Variants in CADM4 observed in about 807,000 individuals in gnomAD.
CADM4 encodes TSLC1-like 2.
A neutral mutation model predicts 43.9 loss-of-function variants in CADM4; 13 were observed. That is an observed-to-expected ratio of 0.30 (90% confidence interval 0.19 to 0.47). The LOEUF is 0.47. CADM4 is among the 20% of genes least tolerant of loss of function. The pLI, the probability that CADM4 is intolerant of heterozygous loss-of-function variation, is 1.00. For missense variants in CADM4, 420 were observed against 527.0 expected, an observed-to-expected ratio of 0.80 and a Z score of 1.99; for synonymous variants, 209 against 220.9, an observed-to-expected ratio of 0.95 and a Z score of 0.48.
At position 43,627,660 on chromosome 19, in the gene CADM4, G is replaced by A. The variant is rs144939448; in HGVS notation, c.195C>T (p.Phe65=). 14 of 1,613,806 alleles carry A rather than the reference G, an allele frequency of 8.7e-6. No individual in the cohort carries two copies. The highest frequency in any genetic ancestry group is 1.7e-4 in the Middle Eastern group (1 of 6,058). Residue 65 remains phenylalanine (F), a synonymous_variant, in exon 2 of 9, where the codon TTC becomes TTT. Transcript: ENST00000222374. The surrounding 1 kb of genome is among the most constrained non-coding windows in gnomAD (Gnocchi z 4.0). ...VIQNPARQTL[F]FNGTRALKDE... is the part of the protein sequence containing the mutation. ...AGCACTCACCACGGGTGCCATTGAA[G>A]AAGAGGGTCTGCCGGGCTGGGTTCT...
chr19:43,638,273 C>T (rs941782289), intron 1 of CADM4, among the ~76,000 whole-genome samples: 2 of 152,210 alleles, frequency 1.3e-5, no homozygotes, highest in Admixed American at 6.5e-5. Flanking sequence ...TCTGAGCTGG[C>T]GTTCCCTTTC....
rs757083806 is a variant in CADM4 at position 43,626,778 on chromosome 19, G to A, written c.499+6C>T. On this transcript the variant is annotated splice_donor_region_variant and intron_variant, in intron 4 of 8. Transcript: ENST00000222374. This position sits in a 1 kb window ranked among gnomAD's most constrained non-coding sequence, Gnocchi z 5.9. ...CCATCCCTTGTCAGCACTCGGCCCAGGGTACCTTTCAGCTCCTTGCGGTCC... is the reference window on the plus strand; with the variant it reads ...CCATCCCTTGTCAGCACTCGGCCCAAGGTACCTTTCAGCTCCTTGCGGTCC... 3 of 1,575,760 alleles carry A rather than the reference G, an allele frequency of 1.9e-6. No individual in the cohort carries two copies. The highest frequency in any genetic ancestry group is 4.6e-5 in the East Asian group (2 of 43,854).
chr19:43,633,633 TTCTC>T lies in CADM4; in HGVS notation c.65-5847_65-5844del, dbSNP rs931322456. ...CAGATGGGATATCTGTTCGTCTTTC[TTCTC>T]TCTTTTTTCTTTCTCTCTTTCTCTC... is the stretch of plus-strand genomic sequence containing the variant. On this transcript the variant is annotated intron_variant, in intron 1 of 8. Coordinates refer to ENST00000222374, the MANE Select transcript of CADM4 (RefSeq NM_145296.2). Among the ~76,000 whole-genome samples, 39 of 152,166 alleles carry T rather than the reference TTCTC, an allele frequency of 2.6e-4. 1 individual carries two copies. Among genetic ancestry groups the T allele is most frequent in the Admixed American group, 1.6e-3 (25 of 15,258 alleles).
intron 7 of CADM4, 32 bp from the exon 8 acceptor site, chr19:43,624,274 A>C: frequency 6.2e-7 from 1 of 1,614,024 alleles, no homozygotes; most frequent in Middle Eastern, 1.6e-4. Context: ...GGACCAGGTC[A>C]TCAGAGGACG....
At chr19:43,639,382 G>C (rs973429753) in intron 1 of CADM4, among the ~76,000 whole-genome samples, 1 of 151,502 alleles carries the variant, frequency 6.6e-6, no homozygotes, top group African/African-American at 2.4e-5. Flanking sequence ...CAGACGGGGG[G>C]GTTCAGAGAC....
chr19:43,626,420 A>AG lies in CADM4; in HGVS notation c.500-133dup. 8.7e-7 allele frequency: 1 copy of AG among 1,145,228 alleles called. No homozygotes were observed. The highest frequency in any genetic ancestry group is 1.2e-6 in the Non-Finnish European group (1 of 812,404). The allele number at this position is 1,145,228 out of a possible 1,614,324, so 70.9% of individuals were successfully genotyped here. A position where few individuals can be genotyped will look rare whatever the true frequency, so the allele number is the denominator to read the frequency against. On this transcript the variant is annotated intron_variant, in intron 4 of 8. Transcript: ENST00000222374. This position sits in a 1 kb window ranked among gnomAD's most constrained non-coding sequence, Gnocchi z 5.9. ...CACAGGCCCCGCCTCTTGTCCTCCAAGCTACGCCCCTCCCCTAACCAAGCC... is the reference window on the plus strand; with the variant it reads ...CACAGGCCCCGCCTCTTGTCCTCCAAGGCTACGCCCCTCCCCTAACCAAGCC...
Position 43,626,364 on chromosome 19 carries a change from G to T in CADM4, c.500-76C>A. 1 of 1,554,106 alleles carries T rather than the reference G, an allele frequency of 6.4e-7. No homozygotes were observed. On this transcript the variant is annotated intron_variant, in intron 4 of 8. Coordinates refer to ENST00000222374, the MANE Select transcript of CADM4 (RefSeq NM_145296.2). The surrounding 1 kb of genome is among the most constrained non-coding windows in gnomAD (Gnocchi z 5.9). ...CCCACCCACCCGAGCCAACGCCAAAGCAGGCTATTTGCCAAGCTCCACCCC... is the reference window on the plus strand; with the variant it reads ...CCCACCCACCCGAGCCAACGCCAAATCAGGCTATTTGCCAAGCTCCACCCC...
rs775584890 is a variant in CADM4, at chr19:43,639,793, T to TGCC, written c.-6_-4dup. On this transcript the variant is annotated 5_prime_UTR_variant, in exon 1 of 9. Coordinates refer to ENST00000222374, the MANE Select transcript of CADM4 (RefSeq NM_145296.2). The stretch of plus-strand genomic sequence containing the variant: ...TGGAAGCGCCGGGCCCGGCCCATGG[T>TGCC]GCCGCCGCCGCCGCCGCCGCCGCTC... 2,403 of 997,314 alleles carry TGCC rather than the reference T, an allele frequency of 2.4e-3. 20 individuals carry two copies. The African/African-American group carries it at 0.036, about 15-fold the overall frequency. 61.8% of individuals were successfully genotyped at this position (997,314 alleles called of 1,614,324 possible).
chr19:43,627,599 C>A lies in CADM4; in HGVS notation c.211+45G>T. 6.3e-7 allele frequency: 1 copy of A among 1,578,158 alleles called. No homozygotes were observed. The highest frequency in any genetic ancestry group is 8.7e-7 in the Non-Finnish European group (1 of 1,153,084). ...CAGGACATGGGAGCCTGGGCCCCAG[C>A]CCTCTCTTCCTTTAAGACTCCTGAG... On this transcript the variant is annotated intron_variant, in intron 2 of 8. Transcript: ENST00000222374. The surrounding 1 kb of genome is among the most constrained non-coding windows in gnomAD (Gnocchi z 4.0).
chr19:43,627,714 G>A lies in CADM4; in HGVS notation c.141C>T (p.His47=). 1 of 1,614,132 alleles carries A rather than the reference G, an allele frequency of 6.2e-7. No homozygotes were observed. The highest frequency in any genetic ancestry group is 8.5e-7 in the Non-Finnish European group (1 of 1,180,010). Residue 47 remains histidine, a synonymous_variant, in exon 2 of 9, where the codon CAC becomes CAT. Transcript: ENST00000222374. This position sits in a 1 kb window ranked among gnomAD's most constrained non-coding sequence, Gnocchi z 4.0. ...GGVAEITCRL[H]QYDGSIVVIQ... ...TGACAACTATGGACCCATCATACTG[G>A]TGCAGACGGCAGGTGATCTCAGCCA...
At chr19:43,630,723 C>T (rs1973610390) in intron 1 of CADM4, among the ~76,000 whole-genome samples, 1 of 152,158 alleles carries the variant, frequency 6.6e-6, no homozygotes, top group South Asian at 2.1e-4. Flanking sequence ...CCACTCCTGG[C>T]TGTCTGGATT....
rs1423711178 is a variant in CADM4 at position 43,626,924 on chromosome 19, G to A, written c.365-6C>T. ...CACAGGATTCTCTGGGGCCACTGCCGCAGGGAGAAGGGAAGTAAGGGGTTA... is the reference window on the plus strand; with the variant it reads ...CACAGGATTCTCTGGGGCCACTGCCACAGGGAGAAGGGAAGTAAGGGGTTA... On this transcript the variant is annotated splice_region_variant and splice_polypyrimidine_tract_variant and intron_variant, in intron 3 of 8. Transcript: ENST00000222374. The surrounding 1 kb of genome is among the most constrained non-coding windows in gnomAD (Gnocchi z 5.9). 2 of 1,589,444 alleles carry A rather than the reference G, an allele frequency of 1.3e-6. No individual in the cohort carries two copies. The highest frequency in any genetic ancestry group is 1.7e-6 in the Non-Finnish European group (2 of 1,168,978).
At chr19:43,630,080 A>AT (rs1440245563) in intron 1 of CADM4, among the ~76,000 whole-genome samples, 1 of 150,226 alleles carries the variant, frequency 6.7e-6, no homozygotes, top group Non-Finnish European at 1.5e-5. Flanking sequence ...TAACTTTTGT[A>AT]TTTTTTTAGA....
In CADM4 at chr19:43,625,773, A is replaced by T. The variant is rs1973514613; in HGVS notation, c.755+138T>A. On this transcript the variant is annotated intron_variant, in intron 6 of 8. Coordinates refer to ENST00000222374, the MANE Select transcript of CADM4 (RefSeq NM_145296.2). The surrounding 1 kb of genome is among the most constrained non-coding windows in gnomAD (Gnocchi z 4.5). ...GCTCTCTCCTCCTCAGGACCCAGGA[A>T]TCCAGGTCCTAGCTCCCTGTTTGTC... The T allele has an allele frequency of 3.0e-6, 2 of 675,284 alleles. No individual in the cohort carries two copies. Among genetic ancestry groups the T allele is most frequent in the African/African-American group, 1.8e-5 (1 of 55,150 alleles). The allele number at this position is 675,284 out of a possible 1,614,324, so 41.8% of individuals were successfully genotyped here.
Position 43,625,375 on chromosome 19 carries a change from A to G in CADM4, c.756-125T>C. The G allele has an allele frequency of 1.1e-6, 1 of 949,772 alleles. No individual in the cohort carries two copies. 58.8% of individuals were successfully genotyped at this position (949,772 alleles called of 1,614,324 possible). A position where few individuals can be genotyped will look rare whatever the true frequency, so the allele number is the denominator to read the frequency against. ...ACCTCCAAATAAGAGGCTTCCTGCTATCTCTTTCCTTTCTGGAAAACCAAC... is the reference window on the plus strand; with the variant it reads ...ACCTCCAAATAAGAGGCTTCCTGCTGTCTCTTTCCTTTCTGGAAAACCAAC... On this transcript the variant is annotated intron_variant, in intron 6 of 8. Transcript: ENST00000222374. The surrounding 1 kb of genome is among the most constrained non-coding windows in gnomAD (Gnocchi z 4.5).
Position 43,627,152 on chromosome 19 carries a change from G to A in CADM4, c.364+14C>T. ...AGGAGGAGAGGATGCGTCTGACAAG[G>A]GGGAGGGCGTTACCTAGTACCGTGA... On this transcript the variant is annotated intron_variant, in intron 3 of 8. Transcript: ENST00000222374. The surrounding 1 kb of genome is among the most constrained non-coding windows in gnomAD (Gnocchi z 4.0). 6.4e-7 allele frequency: 1 copy of A among 1,556,950 alleles called. No individual in the cohort carries two copies. The highest frequency in any genetic ancestry group is 8.7e-7 in the Non-Finnish European group (1 of 1,147,140).
chr19:43,626,220 G>A lies in CADM4; in HGVS notation c.568C>T (p.Arg190Cys). 6.2e-7 allele frequency: 1 copy of A among 1,613,570 alleles called. No individual in the cohort carries two copies. The highest frequency in any genetic ancestry group is 8.5e-7 in the Non-Finnish European group (1 of 1,179,998). ...ATGATGATACCACCGTCGTCCTTAC[G>A]GTCCACACGAAACCGTACTGTGCTT... ...VASTVRFRVD[R>C]KDDGGIIICE... The change falls in exon 5 of 9, where the codon CGT becomes TGT. Residue 190 changes from arginine to cysteine, a missense_variant. Arg to Cys is a radical substitution (Grantham distance 180). Transcript: ENST00000222374. This position sits in a 1 kb window ranked among gnomAD's most constrained non-coding sequence, Gnocchi z 5.9.
Position 43,625,156 on chromosome 19 carries a change from C to G in CADM4, c.850G>C (p.Ala284Pro), listed in dbSNP as rs752451791. The change falls in exon 7 of 9, where the codon GCG becomes CCG. Residue 284 changes from alanine (A) to proline (P), a missense_variant. Coordinates refer to ENST00000222374, the MANE Select transcript of CADM4 (RefSeq NM_145296.2). The surrounding 1 kb of genome is among the most constrained non-coding windows in gnomAD (Gnocchi z 4.5). ...ETLTLPGLVS[A>P]DNGTYTCEAS... is the part of the protein sequence containing the mutation. ...TCGCAAGTGTAGGTGCCGTTATCCGCGGATACCAGACCCGGCAGCGTGAGC... is the reference window on the plus strand; with the variant it reads ...TCGCAAGTGTAGGTGCCGTTATCCGGGGATACCAGACCCGGCAGCGTGAGC... The G allele has an allele frequency of 6.2e-7, 1 of 1,614,178 alleles. No individual in the cohort carries two copies. Among genetic ancestry groups the G allele is most frequent in the East Asian group, 2.2e-5 (1 of 44,880 alleles).
chr19:43,639,923 G>C (rs981432483), upstream of CADM4: 452 of 666,938 alleles, frequency 6.8e-4, no homozygotes, highest in Admixed American at 1.4e-3. Context: ...CGGGGCCGGG[G>C]AGGGGAGGGG....
Sources: allele counts gnomAD v4.1 joint callset (sites outside exome capture counted in the v4.1 genomes callset), GRCh38; gene constraint gnomAD v4.1.1; non-coding constraint Gnocchi (gnomAD v3.1); transcripts MANE v1.5; gene names NCBI Gene and HGNC (gene_info 2026-07-23, HGNC 2026-07-21).